FGF10: variants seen among roughly 807,000 people sequenced by gnomAD.
The protein encoded by FGF10 is FGF-10.
FGF10 carries 2 observed loss-of-function variants against 19.8 expected under a neutral mutation model. That is an observed-to-expected ratio of 0.10 (90% CI 0.04 to 0.32). The LOEUF (loss-of-function observed/expected upper bound fraction) is 0.32, where lower values mean the gene tolerates loss of function less well. FGF10 is among the 10% of genes least tolerant of loss of function. The pLI is 1.00. For synonymous variants in FGF10, 112 were observed against 94.0 expected (o/e 1.19, Z -1.10); for missense variants, 191 against 246.3 (o/e 0.78, Z 1.50).
intron 1 of FGF10, among the ~76,000 whole-genome samples, chr5:44,355,364 T>C (rs1242290418): frequency 1.3e-5 from 2 of 151,408 alleles, no homozygotes; most frequent in East Asian, 3.9e-4. Flanking sequence ...GTAGACATGA[T>C]AAAAGAACAG....
intron 1 of FGF10, among the ~76,000 whole-genome samples, chr5:44,334,307 G>C (rs1446264389): frequency 6.6e-6 from 1 of 151,892 alleles, no homozygotes; most frequent in African/African-American, 2.4e-5. Context: ...TTAAAATACT[G>C]CTTCTTCTCA....
At chr5:44,348,589 AGGTTCT>A (rs1352624312) in intron 1 of FGF10, among the ~76,000 whole-genome samples, 1 of 151,518 alleles carries the variant, frequency 6.6e-6, no homozygotes. Context: ...TTATCTCTAG[AGGTTCT>A]TAGGAGCAGG....
At chr5:44,310,934 G>T (rs1402209771) in intron 1 of FGF10, among the ~76,000 whole-genome samples, 1 of 152,040 alleles carries the variant, frequency 6.6e-6, no homozygotes, top group Non-Finnish European at 1.5e-5. Context: ...AATTAAATCT[G>T]TAGCACATGT....
At chr5:44,355,321 A>C (rs1741321912) in intron 1 of FGF10, among the ~76,000 whole-genome samples, 1 of 151,362 alleles carries the variant, frequency 6.6e-6, no homozygotes, top group Non-Finnish European at 1.5e-5. Context: ...GTCAAATTAT[A>C]TTCCCTTTGT....
At chr5:44,330,707 G>A (rs1396992267) in intron 1 of FGF10, among the ~76,000 whole-genome samples, 2 of 152,288 alleles carry the variant, frequency 1.3e-5, no homozygotes, top group Admixed American at 6.5e-5. Flanking sequence ...CATATTAAAT[G>A]CTAGTGTTTT....
At chr5:44,383,112 G>T (rs535332177) in intron 1 of FGF10, among the ~76,000 whole-genome samples, 1 of 151,908 alleles carries the variant, frequency 6.6e-6, no homozygotes, top group East Asian at 2.0e-4. Context: ...TCATAAATGG[G>T]AGGAACATTA....
At chr5:44,316,574 A>G (rs1740355645) in intron 1 of FGF10, among the ~76,000 whole-genome samples, 1 of 152,208 alleles carries the variant, frequency 6.6e-6, no homozygotes. Flanking sequence ...ACTGTTCTAT[A>G]CAATATGATT....
intron 1 of FGF10, among the ~76,000 whole-genome samples, chr5:44,344,778 T>C (rs1478327239): frequency 6.6e-6 from 1 of 151,820 alleles, no homozygotes; most frequent in African/African-American, 2.4e-5. Flanking sequence ...GTCAGTGGTT[T>C]CTAGGGGTCA....
At chr5:44,366,492 G>A (rs1354012600) in intron 1 of FGF10, among the ~76,000 whole-genome samples, 1 of 152,002 alleles carries the variant, frequency 6.6e-6, no homozygotes, top group Non-Finnish European at 1.5e-5. Context: ...TGTATGGGCT[G>A]ACGCTTTAAG....
At chr5:44,345,491 T>C (rs560154306) in intron 1 of FGF10, among the ~76,000 whole-genome samples, 1 of 151,918 alleles carries the variant, frequency 6.6e-6, no homozygotes, top group African/African-American at 2.4e-5. Context: ...CTCTGCAACA[T>C]GCTTGGGGAT....
At chr5:44,359,405 T>G (rs1449043923) in intron 1 of FGF10, among the ~76,000 whole-genome samples, 1 of 151,496 alleles carries the variant, frequency 6.6e-6, no homozygotes, top group Non-Finnish European at 1.5e-5. Context: ...TGTCATTGCA[T>G]AGCATTCCAG....
At chr5:44,368,284 G>A (rs1741665317) in intron 1 of FGF10, among the ~76,000 whole-genome samples, 1 of 152,060 alleles carries the variant, frequency 6.6e-6, no homozygotes, top group African/African-American at 2.4e-5. Flanking sequence ...TTTTCAATGA[G>A]TAAAATTGGA....
chr5:44,302,183 C>T lies in FGF10; in HGVS notation c.*2812G>A, dbSNP rs1739978101. Among the ~76,000 whole-genome samples the T allele has an allele frequency of 1.3e-5, 2 of 151,730 alleles. No individual in the cohort carries two copies. The highest frequency in any genetic ancestry group is 2.1e-4 in the South Asian group (1 of 4,792). Reference sequence around the variant, plus strand: ...CTATTTCCATTTCAAGCAAATATGCCACTTTTAAATGCAAGAGAATGTCAT... The same window carrying T: ...CTATTTCCATTTCAAGCAAATATGCTACTTTTAAATGCAAGAGAATGTCAT... On this transcript the variant is annotated 3_prime_UTR_variant, in exon 3 of 3. Transcript: ENST00000264664.
chr5:44,361,965 T>C (rs1741492376), intron 1 of FGF10, among the ~76,000 whole-genome samples: 1 of 151,678 alleles, frequency 6.6e-6, no homozygotes, highest in Non-Finnish European at 1.5e-5. Flanking sequence ...TCTGTATTTA[T>C]TTTTCCCAAA....
At chr5:44,377,126 G>A (rs1169348819) in intron 1 of FGF10, among the ~76,000 whole-genome samples, 4 of 152,104 alleles carry the variant, frequency 2.6e-5, no homozygotes, top group South Asian at 2.1e-4. Flanking sequence ...ATGTGCCTTC[G>A]TTTAGAATAT....
chr5:44,313,193 T>C (rs1740252694), intron 1 of FGF10, among the ~76,000 whole-genome samples: 1 of 152,048 alleles, frequency 6.6e-6, no homozygotes, highest in African/African-American at 2.4e-5. Flanking sequence ...ACGCAGCGTA[T>C]GGTCAGGTAA....
chr5:44,341,218 C>T (rs1740961783), intron 1 of FGF10, among the ~76,000 whole-genome samples: 1 of 151,816 alleles, frequency 6.6e-6, no homozygotes, highest in African/African-American at 2.4e-5. Context: ...TTGCTTCTTT[C>T]CTACAGATAT....
At chr5:44,324,348 G>A (rs1046911554) in intron 1 of FGF10, among the ~76,000 whole-genome samples, 10 of 151,992 alleles carry the variant, frequency 6.6e-5, no homozygotes, top group Middle Eastern at 3.4e-3. Context: ...AACTTTCCTC[G>A]TCAAATTTTA....
intron 1 of FGF10, among the ~76,000 whole-genome samples, chr5:44,378,978 C>G (rs989584481): frequency 3.3e-5 from 5 of 152,194 alleles, no homozygotes; most frequent in African/African-American, 1.2e-4. Context: ...TCTGCCACAT[C>G]CAGCCTCAAT....
Sources: gnomAD v4.1 joint callset for allele counts (sites outside exome capture counted in the v4.1 genomes callset) on GRCh38, gnomAD v4.1.1 for gene constraint, MANE v1.5 for transcripts, NCBI Gene and HGNC (gene_info 2026-07-23, HGNC 2026-07-21) for gene names.